Variants in NRG1 observed in about 807,000 individuals in gnomAD.
NRG1 encodes neuregulin 1, also known as pro-neuregulin-1, membrane-bound isoform.
In NRG1, 18 loss-of-function variants were observed where a neutral mutation model predicts 63.8. That is an observed-to-expected ratio of 0.28 (90% CI 0.19 to 0.42). The LOEUF is 0.42. Ranked by LOEUF, NRG1 falls within the 10% of genes least tolerant of loss-of-function variation. NRG1 has a pLI of 1.00. For synonymous variants in NRG1, 302 were observed against 301.3 expected (o/e 1.00, Z -0.02); for missense variants, 762 against 814.7 (o/e 0.94, Z 0.79).
rs1014112069 is a variant in NRG1 at position 32,684,138 on chromosome 8, C to A, written c.503-43811C>A. ...CAGAGATCATGACACTGCACTCCAG[C>A]CTGAACAATACAGCGAGACTTTATC... is the stretch of plus-strand genomic sequence containing the variant. On this transcript the variant is annotated intron_variant, in intron 5 of 11. Coordinates refer to ENST00000356819, the Ensembl canonical transcript of NRG1. 5.9e-5 allele frequency among the ~76,000 whole-genome samples: 9 copies of A among 152,082 alleles called. 1 individual carries two copies. The highest frequency in any genetic ancestry group is 2.2e-4 in the African/African-American group (9 of 41,420).
At chr8:32,440,868 T>C (rs1219237429) in intron 1 of NRG1, 1 of 152,208 alleles carries the variant, frequency 6.6e-6, no homozygotes, top group Non-Finnish European at 1.5e-5. Context: ...AGATATTACG[T>C]ATATTCAGAC....
intron 1 of NRG1, among the ~76,000 whole-genome samples, chr8:31,784,679 T>G (rs1820014065): frequency 6.6e-6 from 1 of 152,160 alleles, no homozygotes; most frequent in African/African-American, 2.4e-5. Context: ...TTAGGACTTC[T>G]CTCTAATCAT....
At chr8:32,209,761 CCTTCCTTCCTTCCTTCTTA>C (rs1844485069) in intron 1 of NRG1, among the ~76,000 whole-genome samples, 1 of 145,716 alleles carries the variant, frequency 6.9e-6, no homozygotes, top group African/African-American at 2.5e-5. Flanking sequence ...TTCCTTCCTT[CCTTCCTTCCTTCCTTCTTA>C]CTTTCTTTCT....
intron 1 of NRG1, among the ~76,000 whole-genome samples, chr8:31,679,908 C>T (rs1444720871): frequency 2.0e-5 from 3 of 152,006 alleles, no homozygotes; most frequent in Non-Finnish European, 4.4e-5. Context: ...CATTTCTGTA[C>T]TTTGCTACAA....
intron 1 of NRG1, among the ~76,000 whole-genome samples, chr8:31,901,588 A>C (rs1415721817): frequency 6.6e-6 from 1 of 152,200 alleles, no homozygotes; most frequent in African/African-American, 2.4e-5. Flanking sequence ...TGCCTTAAAA[A>C]GTTGTACTAA....
intron 1 of NRG1, among the ~76,000 whole-genome samples, chr8:31,898,981 A>G (rs1462191281): frequency 6.6e-6 from 1 of 152,202 alleles, no homozygotes; most frequent in Non-Finnish European, 1.5e-5. Flanking sequence ...TTTCACTTGC[A>G]TGGCTTTTCC....
chr8:32,716,174 T>C (rs1819171941), intron 5 of NRG1, among the ~76,000 whole-genome samples: 1 of 152,208 alleles, frequency 6.6e-6, no homozygotes, highest in South Asian at 2.1e-4. Flanking sequence ...TCACTAGGTG[T>C]TGGCTACACC....
At chr8:32,065,527 A>G (rs1824629094) in intron 1 of NRG1, among the ~76,000 whole-genome samples, 1 of 152,212 alleles carries the variant, frequency 6.6e-6, no homozygotes, top group Admixed American at 6.5e-5. Context: ...TACAAAGGAC[A>G]TGGCTGCATA....
chr8:31,805,935 G>C (rs1039816817), intron 1 of NRG1, among the ~76,000 whole-genome samples: 1 of 151,392 alleles, frequency 6.6e-6, no homozygotes, highest in Non-Finnish European at 1.5e-5. Context: ...AAAGAATTCT[G>C]ACTGAAAATA....
intron 1 of NRG1, among the ~76,000 whole-genome samples, chr8:31,931,315 CA>C (rs1834844371): frequency 6.6e-6 from 1 of 151,924 alleles, no homozygotes; most frequent in Non-Finnish European, 1.5e-5. Context: ...ACACTCCCCC[CA>C]AAAAAGAGGA....
chr8:32,450,837 G>A (rs574542987), intron 1 of NRG1, among the ~76,000 whole-genome samples: 1 of 152,318 alleles, frequency 6.6e-6, no homozygotes, highest in African/African-American at 2.4e-5. Context: ...TGAGATGGTT[G>A]CAGTGCTTTT....
chr8:32,702,212 G>A (rs1006113719), intron 5 of NRG1, among the ~76,000 whole-genome samples: 3 of 152,182 alleles, frequency 2.0e-5, no homozygotes, highest in African/African-American at 4.8e-5. Flanking sequence ...GGCATTGATT[G>A]GAGACTGCCC....
At chr8:31,923,651 T>A (rs1016503053) in intron 1 of NRG1, among the ~76,000 whole-genome samples, 1 of 152,198 alleles carries the variant, frequency 6.6e-6, no homozygotes, top group African/African-American at 2.4e-5. Context: ...GTTCTTCAGA[T>A]TTTACATTCT....
intron 1 of NRG1, among the ~76,000 whole-genome samples, chr8:31,807,003 G>T (rs1383405343): frequency 5.3e-5 from 8 of 152,174 alleles, no homozygotes; most frequent in Admixed American, 5.2e-4. Flanking sequence ...ACCTTGGGTC[G>T]TATCTCCAAG....
At chr8:31,913,218 A>T (rs1045650894) in intron 1 of NRG1, among the ~76,000 whole-genome samples, 3 of 152,206 alleles carry the variant, frequency 2.0e-5, no homozygotes, top group Non-Finnish European at 4.4e-5. Context: ...GGTATAAAAC[A>T]ATATCCACTC....
chr8:31,686,690 A>G (rs1280652430), intron 1 of NRG1, among the ~76,000 whole-genome samples: 1 of 152,134 alleles, frequency 6.6e-6, no homozygotes, highest in East Asian at 1.9e-4. Flanking sequence ...ATGCTTCTTC[A>G]AAGCTTTTTT....
intron 1 of NRG1, among the ~76,000 whole-genome samples, chr8:32,410,950 A>G (rs1814843135): frequency 6.7e-6 from 1 of 149,220 alleles, no homozygotes; most frequent in Non-Finnish European, 1.5e-5. Flanking sequence ...ATCTCGGTTC[A>G]CTGCAACCTC....
At chr8:31,766,904 C>T (rs1477998882) in intron 1 of NRG1, among the ~76,000 whole-genome samples, 2 of 152,202 alleles carry the variant, frequency 1.3e-5, no homozygotes. Flanking sequence ...CTCTCTTGGG[C>T]AAAAGCTTCT....
intron 1 of NRG1, among the ~76,000 whole-genome samples, chr8:31,869,308 T>C (rs1282897183): frequency 6.6e-6 from 1 of 152,144 alleles, no homozygotes; most frequent in Non-Finnish European, 1.5e-5. Flanking sequence ...CTACTTAGAC[T>C]CACTGCATAG....
Sources: allele counts gnomAD v4.1 joint callset (sites outside exome capture counted in the v4.1 genomes callset), GRCh38; gene constraint gnomAD v4.1.1; transcripts MANE v1.5; gene names NCBI Gene and HGNC (gene_info 2026-07-23, HGNC 2026-07-21).